JAKMIP1: variants seen among roughly 807,000 people sequenced by gnomAD.
JAKMIP1 encodes janus kinase and microtubule interacting protein 1, also known as janus kinase and microtubule-interacting protein 1.
A neutral mutation model predicts 113.0 loss-of-function variants in JAKMIP1; 33 were observed. The observed-to-expected ratio is 0.29, with a 90% CI of 0.22 to 0.39. JAKMIP1 has a LOEUF of 0.39. Ranked by LOEUF, JAKMIP1 falls within the 10% of genes least tolerant of loss-of-function variation. JAKMIP1 has a pLI of 1.00. For synonymous variants in JAKMIP1, 480 were observed against 459.9 expected, an observed-to-expected ratio of 1.04 and a Z score of -0.56; for missense variants, 813 against 1,080.5, an observed-to-expected ratio of 0.75 and a Z score of 3.47.
At chr4:6,101,605 G>A (rs928833457) in intron 3 of JAKMIP1, among the ~76,000 whole-genome samples, 2 of 151,974 alleles carry the variant, frequency 1.3e-5, no homozygotes, top group African/African-American at 4.8e-5. Flanking sequence ...GTCTGCTGGT[G>A]GCTGGGCGTG....
chr4:6,029,810 AAAGT>A lies in JAKMIP1; in HGVS notation c.2380-33_2380-30del, dbSNP rs771292068. Reference sequence around the variant, plus strand: ...AAATACACCAGGTTACGTGTCAGAAAAAGTAAGTTTTCCAGGTTTAAAAACTCTG... The same window carrying A: ...AAATACACCAGGTTACGTGTCAGAAAAAGTTTTCCAGGTTTAAAAACTCTG... On this transcript the variant is annotated intron_variant, in intron 19 of 20. Transcript: ENST00000409021. 7.2e-6 allele frequency: 11 copies of A among 1,521,666 alleles called. No homozygotes were observed. The Admixed American group carries it at 7.2e-5, about 10-fold the overall frequency. 94.3% of individuals were successfully genotyped at this position (1,521,666 alleles called of 1,614,324 possible). A position where few individuals can be genotyped will look rare whatever the true frequency, so the allele number is the denominator to read the frequency against.
At chr4:6,149,135 C>A (rs1046906938) in intron 1 of JAKMIP1, among the ~76,000 whole-genome samples, 3 of 152,218 alleles carry the variant, frequency 2.0e-5, no homozygotes, top group African/African-American at 7.2e-5. Context: ...TGGGGCTGGA[C>A]AGCTGGGCAG....
At chr4:6,164,340 G>A (rs1191730070) in intron 1 of JAKMIP1, among the ~76,000 whole-genome samples, 2 of 152,116 alleles carry the variant, frequency 1.3e-5, no homozygotes, top group African/African-American at 4.8e-5. Flanking sequence ...TCTGTAGCAT[G>A]GTTCACTGAA....
rs1282636205 is a variant in JAKMIP1 at position 6,154,487 on chromosome 4, G to T, written c.-147-41490C>A. 1.3e-5 allele frequency among the ~76,000 whole-genome samples: 2 copies of T among 149,004 alleles called. No individual in the cohort carries two copies. The highest frequency in any genetic ancestry group is 3.0e-5 in the Non-Finnish European group (2 of 67,376). Reference sequence around the variant, plus strand: ...TGATTGGACAAGGAATTTGTCAGATGTCTATAGTCCTTTAAAAAAAAAAAA... The same window carrying T: ...TGATTGGACAAGGAATTTGTCAGATTTCTATAGTCCTTTAAAAAAAAAAAA... On this transcript the variant is annotated intron_variant, in intron 1 of 20. Transcript: ENST00000409021. The surrounding 1 kb of genome is among the most constrained non-coding windows in gnomAD (Gnocchi z 4.2).
chr4:6,153,612 C>T lies in JAKMIP1; in HGVS notation c.-147-40615G>A, dbSNP rs573550657. Among the ~76,000 whole-genome samples, 42 of 152,298 alleles carry T rather than the reference C, an allele frequency of 2.8e-4. 1 individual carries two copies. In the East Asian group the frequency reaches 7.9e-3, roughly 29 times the overall value. ...CAGCCCTGACAATCTGGAGAGAGAA[C>T]GTTTTGTGGAAGGCCATCATGTTCC... On this transcript the variant is annotated intron_variant, in intron 1 of 20. Transcript: ENST00000409021. This position sits in a 1 kb window ranked among gnomAD's most constrained non-coding sequence, Gnocchi z 4.9.
At chr4:6,169,047 A>G (rs1340681816) in intron 1 of JAKMIP1, among the ~76,000 whole-genome samples, 1 of 152,222 alleles carries the variant, frequency 6.6e-6, no homozygotes, top group African/African-American at 2.4e-5. Context: ...CTGCAATTAG[A>G]TAGTGATGAT....
intron 10 of JAKMIP1, 112 bp from the exon 11 acceptor site, chr4:6,060,619 T>A: frequency 3.9e-6 from 3 of 778,652 alleles, no homozygotes; most frequent in Non-Finnish European, 4.6e-6. Context: ...AGGCAAACCT[T>A]AGGAACAGGT....
chr4:6,033,400 G>A (rs1712999908), intron 19 of JAKMIP1, among the ~76,000 whole-genome samples: 1 of 152,188 alleles, frequency 6.6e-6, no homozygotes, highest in African/African-American at 2.4e-5. Flanking sequence ...GAGTGTTAGG[G>A]ATTATGATGA....
In JAKMIP1 at chr4:6,033,023, G is replaced by A. The variant is rs140287725; in HGVS notation, c.2379+2881C>T. ...CTACTGAACCCTCAGAGAGGGTCAG[G>A]ACAAAGTGAATTTACACCAGTGGCT... On this transcript the variant is annotated intron_variant, in intron 19 of 20. Coordinates refer to ENST00000409021, the MANE Select transcript of JAKMIP1 (RefSeq NM_001099433.2). Among the ~76,000 whole-genome samples the A allele has an allele frequency of 1.1e-4, 16 of 152,354 alleles. No homozygotes were observed. The East Asian group carries it at 3.1e-3, about 29-fold the overall frequency.
rs1046754238 is a variant in JAKMIP1 at position 6,065,138 on chromosome 4, C to T, written c.1303-130G>A. 8.7e-6 allele frequency: 10 copies of T among 1,155,984 alleles called. No homozygotes were observed. Among genetic ancestry groups the T allele is most frequent in the Admixed American group, 5.2e-5 (3 of 57,230 alleles). The allele number at this position is 1,155,984 out of a possible 1,614,324, so 71.6% of individuals were successfully genotyped here. ...TGGGCCACTGGGGCATCACAAGATG[C>T]GGTTGGTGGGCTTCGTAACTGACTG... On this transcript the variant is annotated intron_variant, in intron 8 of 20. Transcript: ENST00000409021. The surrounding 1 kb of genome is among the most constrained non-coding windows in gnomAD (Gnocchi z 5.1).
At chr4:6,068,558 CTTT>C (rs35726105) in intron 8 of JAKMIP1, among the ~76,000 whole-genome samples, 2 of 136,306 alleles carry the variant, frequency 1.5e-5, no homozygotes. Context: ...AATTTTTTAA[CTTT>C]TTTTTTTTTT....
chr4:6,078,895 T>A (rs763534049), intron 8 of JAKMIP1, 44 bp downstream of exon 8: 1 of 1,608,310 alleles, frequency 6.2e-7, no homozygotes, highest in South Asian at 1.1e-5. Flanking sequence ...TGCAGATCCG[T>A]GACACAGCGG....
At chr4:6,057,465 C>T (rs6837722) in intron 11 of JAKMIP1, among the ~76,000 whole-genome samples, 32,121 of 152,146 alleles carry the variant, frequency 0.21, 4,962 homozygotes, top group African/African-American at 0.43. Context: ...AGCAGAGGCC[C>T]GGCCTAGGGT....
At chr4:6,060,351 G>T in intron 11 of JAKMIP1, 73 bp downstream of exon 11, 1 of 1,166,156 alleles carries the variant, frequency 8.6e-7, no homozygotes, top group Non-Finnish European at 1.3e-6. Flanking sequence ...CTTGGCACAA[G>T]GGCGAGCCCC....
intron 16 of JAKMIP1, among the ~76,000 whole-genome samples, chr4:6,043,557 T>A (rs1477126173): frequency 1.3e-5 from 2 of 151,962 alleles, no homozygotes; most frequent in African/African-American, 4.8e-5. Context: ...CCTCAAGGCA[T>A]CTCCAGGGCC....
At chr4:6,101,748 A>T (rs1485292782) in intron 3 of JAKMIP1, among the ~76,000 whole-genome samples, 1 of 149,406 alleles carries the variant, frequency 6.7e-6, no homozygotes, top group Non-Finnish European at 1.5e-5. Context: ...AAAAAAAAAA[A>T]AAAAAAAATT....
In JAKMIP1 at chr4:6,039,962, A is replaced by T. The variant is rs139537155; in HGVS notation, c.2175+677T>A. ...TGATCTGGGCAGAGATTTGCTCAAG[A>T]CTCTGTACCACGCTAGCTTCTTCCT... On this transcript the variant is annotated intron_variant, in intron 18 of 20. Coordinates refer to ENST00000409021, the MANE Select transcript of JAKMIP1 (RefSeq NM_001099433.2). 5.3e-5 allele frequency among the ~76,000 whole-genome samples: 8 copies of T among 152,196 alleles called. No homozygotes were observed. The East Asian group carries it at 1.5e-3, about 29-fold the overall frequency.
At chr4:6,114,846 C>T (rs1236108911) in intron 1 of JAKMIP1, among the ~76,000 whole-genome samples, 3 of 152,232 alleles carry the variant, frequency 2.0e-5, no homozygotes, top group Admixed American at 6.5e-5. Context: ...GTCTGAAGTG[C>T]ACCTCCCCAT....
intron 1 of JAKMIP1, among the ~76,000 whole-genome samples, chr4:6,152,976 A>C (rs115377644): frequency 0.015 from 2,211 of 151,954 alleles, 54 homozygotes; most frequent in African/African-American, 0.051. Context: ...CGTCTCAAAA[A>C]AACAAAAAGA....
Sources: gnomAD v4.1 joint callset for allele counts (sites outside exome capture counted in the v4.1 genomes callset) on GRCh38, gnomAD v4.1.1 for gene constraint, Gnocchi (gnomAD v3.1) non-coding constraint, MANE v1.5 for transcripts, NCBI Gene and HGNC (gene_info 2026-07-23, HGNC 2026-07-21) for gene names.